ANOS1: variants seen among roughly 807,000 people sequenced by gnomAD.
ANOS1 encodes anosmin-1.
In ANOS1, 6 loss-of-function variants were observed where a neutral mutation model predicts 59.0. The observed-to-expected ratio is 0.10, with a 90% confidence interval of 0.06 to 0.20. The LOEUF (loss-of-function observed/expected upper bound fraction) is 0.20. Ranked by LOEUF, ANOS1 falls within the 10% of genes least tolerant of loss-of-function variation. The pLI is 1.00. For missense variants in ANOS1, 433 were observed against 542.3 expected, an observed-to-expected ratio of 0.80 and a Z score of 2.00; for synonymous variants, 217 against 223.4, an observed-to-expected ratio of 0.97 and a Z score of 0.25.
rs1320369672 is a variant in ANOS1 at position 8,604,489 on chromosome X, G to A, written c.319-7233C>T. ...CAAAAATGCAATCTTACACTTCCTG[G>A]GAAGAGATAGTGGGGTGATTTCAAA... On this transcript the variant is annotated intron_variant, in intron 3 of 13. Transcript: ENST00000262648. Among the ~76,000 whole-genome samples the A allele has an allele frequency of 2.7e-5, 3 of 111,950 alleles. No individual in the cohort carries two copies. The Admixed American group carries it at 2.9e-4, about 11-fold the overall frequency.
rs1453308672 is a variant in ANOS1, at chrX:8,536,665, G to A, written c.1621+106C>T. ...CATCATAACACAACTTAGAAAGAGAGGCACTTTTGGTTTTCACGGTCTTGT... is the reference window on the plus strand; with the variant it reads ...CATCATAACACAACTTAGAAAGAGAAGCACTTTTGGTTTTCACGGTCTTGT... On this transcript the variant is annotated intron_variant, in intron 11 of 13. Coordinates refer to ENST00000262648, the MANE Select transcript of ANOS1 (RefSeq NM_000216.4). The A allele has an allele frequency of 5.1e-6, 3 of 592,006 alleles. No homozygotes were observed. The African/African-American group carries it at 6.7e-5, about 13-fold the overall frequency. The allele number at this position is 592,006 out of a possible 1,213,427, so 48.8% of individuals were successfully genotyped here.
intron 2 of ANOS1, among the ~76,000 whole-genome samples, chrX:8,663,649 T>G (rs1344963130): frequency 8.9e-6 from 1 of 111,861 alleles, no homozygotes; most frequent in East Asian, 2.8e-4. Flanking sequence ...TTCTATCTTG[T>G]GTTTCCTACT....
chrX:8,606,602 A>T (rs1250262525), intron 3 of ANOS1, among the ~76,000 whole-genome samples: 1 of 112,102 alleles, frequency 8.9e-6, no homozygotes, highest in Non-Finnish European at 1.9e-5. Context: ...AACTTTAAGC[A>T]TTTATTTGAA....
At chrX:8,632,089 G>C (rs183574630) in intron 2 of ANOS1, among the ~76,000 whole-genome samples, 3 of 111,704 alleles carry the variant, frequency 2.7e-5, no homozygotes, top group Non-Finnish European at 3.8e-5. Flanking sequence ...GTCTTGAATG[G>C]ATAGATAAGT....
intron 2 of ANOS1, among the ~76,000 whole-genome samples, chrX:8,655,062 G>A (rs1469399394): frequency 1.8e-5 from 2 of 110,855 alleles, no homozygotes; most frequent in African/African-American, 6.6e-5. Context: ...CCATGGACTG[G>A]GTGAGGAGGA....
rs772916241 is a variant in ANOS1, at chrX:8,689,516, G to C, written c.255+10182C>G. 3.7e-5 allele frequency among the ~76,000 whole-genome samples: 4 copies of C among 108,468 alleles called. No individual in the cohort carries two copies. In the South Asian group the frequency reaches 1.6e-3, roughly 43 times the overall value. The allele number at this position is 108,468 out of a possible 115,157, so 94.2% of individuals were successfully genotyped here. On this transcript the variant is annotated intron_variant, in intron 2 of 13. Transcript: ENST00000262648. ...AGTTCAAACCAGCCTGGACAACATAGTGAGATCTTGTCTCTACAAATAATA... is the reference window on the plus strand; with the variant it reads ...AGTTCAAACCAGCCTGGACAACATACTGAGATCTTGTCTCTACAAATAATA...
intron 9 of ANOS1, 54 bp downstream of exon 9, chrX:8,553,898 A>G (rs1929896592): frequency 9.3e-7 from 1 of 1,080,528 alleles, no homozygotes; most frequent in African/African-American, 1.8e-5. Flanking sequence ...AACTATCTCT[A>G]TATTACTGTG....
intron 3 of ANOS1, among the ~76,000 whole-genome samples, chrX:8,603,720 C>T (rs1266070268): frequency 8.9e-6 from 1 of 112,234 alleles, no homozygotes; most frequent in Non-Finnish European, 1.9e-5. Flanking sequence ...GAGAACATTG[C>T]ATTTGGCTAT....
chrX:8,724,420 T>C (rs1932896555), intron 1 of ANOS1, among the ~76,000 whole-genome samples: 1 of 112,228 alleles, frequency 8.9e-6, no homozygotes, highest in African/African-American at 3.2e-5. Flanking sequence ...TGTGTGGGGA[T>C]GGGCTCTCAG....
Position 8,544,311 on chromosome X carries a change from G to A in ANOS1, c.1355-4553C>T, listed in dbSNP as rs184965323. ...AGGGAAGGGGGCACACACTTAGAGA[G>A]GTGTCACAGAATGCCAATTCCATCA... On this transcript the variant is annotated intron_variant, in intron 9 of 13. Coordinates refer to ENST00000262648, the MANE Select transcript of ANOS1 (RefSeq NM_000216.4). Among the ~76,000 whole-genome samples the A allele has an allele frequency of 3.7e-3, 339 of 90,516 alleles. 2 individuals carry two copies. The highest frequency in any genetic ancestry group is 5.7e-3 in the Admixed American group (48 of 8,404). 78.6% of individuals were successfully genotyped at this position (90,516 alleles called of 115,157 possible).
At chrX:8,659,762 G>T (rs1203968634) in intron 2 of ANOS1, among the ~76,000 whole-genome samples, 1 of 109,308 alleles carries the variant, frequency 9.1e-6, no homozygotes, top group African/African-American at 3.3e-5. Flanking sequence ...CCGAGTAGCT[G>T]GGACTACAAG....
chrX:8,682,081 C>T (rs1215808303), intron 2 of ANOS1, among the ~76,000 whole-genome samples: 1 of 110,857 alleles, frequency 9.0e-6, no homozygotes, highest in Non-Finnish European at 1.9e-5. Flanking sequence ...TTCGCAAGCA[C>T]GGGGTCAGGC....
intron 2 of ANOS1, among the ~76,000 whole-genome samples, chrX:8,689,490 G>T (rs1415087241): frequency 9.1e-6 from 1 of 109,754 alleles, no homozygotes; most frequent in African/African-American, 3.3e-5. Context: ...TTGAGCTCAG[G>T]AGTTCAAACC....
chrX:8,667,477 C>T (rs1426478208), intron 2 of ANOS1, among the ~76,000 whole-genome samples: 2 of 111,273 alleles, frequency 1.8e-5, no homozygotes. Context: ...AGTTTTAGAA[C>T]TTCATCCTTA....
Position 8,624,635 on chromosome X carries a change from T to G in ANOS1, c.256-965A>C, listed in dbSNP as rs1931360940. Among the ~76,000 whole-genome samples, 3 of 111,539 alleles carry G rather than the reference T, an allele frequency of 2.7e-5. No homozygotes were observed. The Admixed American group carries it at 2.9e-4, about 11-fold the overall frequency. On this transcript the variant is annotated intron_variant, in intron 2 of 13. Transcript: ENST00000262648. Reference sequence around the variant, plus strand: ...AGGTTTGCTTAAACATACATGCATATAACTTATTACTATATACATTCTAAT... The same window carrying G: ...AGGTTTGCTTAAACATACATGCATAGAACTTATTACTATATACATTCTAAT...
intron 1 of ANOS1, among the ~76,000 whole-genome samples, chrX:8,703,417 T>C (rs1932766398): frequency 8.9e-6 from 1 of 112,085 alleles, no homozygotes; most frequent in Non-Finnish European, 1.9e-5. Flanking sequence ...AGTGGCCAAA[T>C]CTATGTGGCA....
At chrX:8,725,709 CAG>C (rs1932913114) in intron 1 of ANOS1, among the ~76,000 whole-genome samples, 1 of 39,633 alleles carries the variant, frequency 2.5e-5, no homozygotes, top group Non-Finnish European at 4.3e-5. Flanking sequence ...TATATATATA[CAG>C]ATATATATAT....
chrX:8,625,198 T>C (rs752506799), intron 2 of ANOS1, among the ~76,000 whole-genome samples: 110 of 111,418 alleles, frequency 9.9e-4, no homozygotes, highest in African/African-American at 3.3e-3. Context: ...CCAGGCCTCA[T>C]GGTTGAAAAA....
intron 7 of ANOS1, among the ~76,000 whole-genome samples, chrX:8,570,140 C>CAAAAAAAA (rs34481364): frequency 1.4e-5 from 1 of 73,866 alleles, no homozygotes; most frequent in Non-Finnish European, 2.7e-5. Flanking sequence ...CTCTCTCTCT[C>CAAAAAAAA]AAAAAAAAAA....
Sources: allele counts gnomAD v4.1 joint callset (sites outside exome capture counted in the v4.1 genomes callset), GRCh38; gene constraint gnomAD v4.1.1; transcripts MANE v1.5; gene names NCBI Gene and HGNC (gene_info 2026-07-23, HGNC 2026-07-21).